Variants in MAP2 observed in about 807,000 individuals in gnomAD.
The protein encoded by MAP2 is microtubule associated protein 2, also known as microtubule-associated protein 2.
A neutral mutation model predicts 137.6 loss-of-function variants in MAP2; 14 were observed. That is an observed-to-expected ratio of 0.10 (90% CI 0.07 to 0.16). The LOEUF (loss-of-function observed/expected upper bound fraction) is 0.16. Among genes scored for constraint, MAP2 ranks in the 10% least tolerant of loss-of-function variants. MAP2 has a pLI of 1.00. For missense variants in MAP2, 2,088 were observed against 2,191.5 expected (o/e 0.95, Z 0.94); for synonymous variants, 786 against 782.3 (o/e 1.00, Z -0.08).
chr2:209,495,599 A>AC (rs1559235909), intron 1 of MAP2, among the ~76,000 whole-genome samples: 1 of 152,234 alleles, frequency 6.6e-6, no homozygotes, highest in Non-Finnish European at 1.5e-5. Context: ...GAGGGACCTG[A>AC]CTGTCAGAAG....
chr2:209,586,722 A>G (rs1305993770), intron 3 of MAP2, among the ~76,000 whole-genome samples: 3 of 152,168 alleles, frequency 2.0e-5, no homozygotes, highest in African/African-American at 4.8e-5. Flanking sequence ...AGTAGGTCTA[A>G]AGAGGGGCCT....
chr2:209,709,136 A>T (rs1335271239), intron 12 of MAP2, among the ~76,000 whole-genome samples: 1 of 152,168 alleles, frequency 6.6e-6, no homozygotes, highest in East Asian at 1.9e-4. Context: ...GATCCTGTAT[A>T]ATTAATGTGG....
chr2:209,535,883 T>C (rs1226143438), intron 2 of MAP2, among the ~76,000 whole-genome samples: 1 of 152,218 alleles, frequency 6.6e-6, no homozygotes, highest in Non-Finnish European at 1.5e-5. Context: ...TCTTATATAA[T>C]ATAGTAACTG....
intron 13 of MAP2, among the ~76,000 whole-genome samples, chr2:209,711,031 T>C (rs1443360355): frequency 6.6e-6 from 1 of 152,220 alleles, no homozygotes; most frequent in African/African-American, 2.4e-5. Context: ...TATTATTTAA[T>C]GTTTATCTCA....
intron 3 of MAP2, among the ~76,000 whole-genome samples, chr2:209,616,496 A>C (rs1580755785): frequency 6.6e-6 from 1 of 152,314 alleles, no homozygotes; most frequent in African/African-American, 2.4e-5. Flanking sequence ...TAACCCACTT[A>C]CAAATCAGGG....
Position 209,732,359 on chromosome 2 carries a change from A to G in MAP2, c.*1962A>G, listed in dbSNP as rs1055199508. On this transcript the variant is annotated 3_prime_UTR_variant, in exon 16 of 16. Coordinates refer to ENST00000682079, the MANE Select transcript of MAP2 (RefSeq NM_001375505.1). The stretch of plus-strand genomic sequence containing the variant: ...GAGCAAACCCACACCACTCATTCTC[A>G]GCTAAGAGATTTTACACAGGCAAAC... 4 of 152,244 alleles carry G rather than the reference A, an allele frequency of 2.6e-5. No homozygotes were observed. The highest frequency in any genetic ancestry group is 6.5e-5 in the Admixed American group (1 of 15,280). The allele number at this position is 152,244 out of a possible 1,614,324, so 9.4% of individuals were successfully genotyped here. A position where few individuals can be genotyped will look rare whatever the true frequency, so the allele number is the denominator to read the frequency against.
At chr2:209,685,995 T>C (rs1340133911) in intron 7 of MAP2, among the ~76,000 whole-genome samples, 1 of 152,162 alleles carries the variant, frequency 6.6e-6, no homozygotes, top group Non-Finnish European at 1.5e-5. Context: ...ATCATGAAAG[T>C]ACCCTACTGA....
At chr2:209,457,105 G>A (rs770307080) in intron 1 of MAP2, among the ~76,000 whole-genome samples, 1 of 152,170 alleles carries the variant, frequency 6.6e-6, no homozygotes, top group Non-Finnish European at 1.5e-5. Flanking sequence ...TGTATAAAAT[G>A]TGTTTCAATA....
At position 209,695,170 on chromosome 2, in the gene MAP2, G is replaced by A. The variant is rs1456153993; in HGVS notation, c.3000G>A (p.Leu1000=). The A allele has an allele frequency of 1.9e-6, 3 of 1,614,096 alleles. No homozygotes were observed. The highest frequency in any genetic ancestry group is 1.1e-5 in the South Asian group (1 of 91,082). Residue 1000 remains leucine (L), a synonymous_variant, in exon 8 of 16, where the codon TTG becomes TTA. Coordinates refer to ENST00000682079, the MANE Select transcript of MAP2 (RefSeq NM_001375505.1). ...TAGGAGTAACCTATGAGCAAGCTTT[G>A]GCCAAAGATTTGTCAATACCAACAG... The part of the protein sequence containing the change: ...FGLGVTYEQA[L]AKDLSIPTDA...
At chr2:209,429,809 A>T (rs1693755162) in intron 1 of MAP2, among the ~76,000 whole-genome samples, 2 of 152,148 alleles carry the variant, frequency 1.3e-5, no homozygotes, top group African/African-American at 4.8e-5. Flanking sequence ...ACAACAATTT[A>T]AAAGTACAAC....
intron 4 of MAP2, among the ~76,000 whole-genome samples, chr2:209,631,679 A>G (rs1394140900): frequency 1.3e-5 from 2 of 152,164 alleles, no homozygotes; most frequent in Non-Finnish European, 2.9e-5. Context: ...CCAAATATAT[A>G]AACTTATTTT....
intron 1 of MAP2, among the ~76,000 whole-genome samples, chr2:209,432,561 T>C (rs34445752): frequency 0.099 from 15,105 of 152,210 alleles, 1,629 homozygotes; most frequent in African/African-American, 0.27. Context: ...CACTGAAAAC[T>C]GAAACCATAC....
chr2:209,438,676 T>G (rs1696986632), intron 1 of MAP2, among the ~76,000 whole-genome samples: 1 of 151,482 alleles, frequency 6.6e-6, no homozygotes, highest in African/African-American at 2.4e-5. Context: ...TGGAAAATGC[T>G]TCTCCTTAGA....
intron 7 of MAP2, among the ~76,000 whole-genome samples, chr2:209,687,330 G>A (rs944532980): frequency 1.3e-5 from 2 of 151,724 alleles, no homozygotes; most frequent in African/African-American, 4.8e-5. Flanking sequence ...AGCATGAGTA[G>A]AGTTAACCTT....
At chr2:209,510,012 A>C (rs1287156689) in intron 2 of MAP2, among the ~76,000 whole-genome samples, 1 of 137,406 alleles carries the variant, frequency 7.3e-6, no homozygotes, top group African/African-American at 2.6e-5. Context: ...AACGTGTTTT[A>C]ATCTCCTAAA....
chr2:209,502,679 G>T (rs1392835339), intron 1 of MAP2, among the ~76,000 whole-genome samples: 2 of 152,004 alleles, frequency 1.3e-5, no homozygotes, highest in East Asian at 1.9e-4. Flanking sequence ...TTTCCATACC[G>T]CTTGTACCAA....
chr2:209,608,219 T>C (rs1368329434), intron 3 of MAP2, among the ~76,000 whole-genome samples: 1 of 152,092 alleles, frequency 6.6e-6, no homozygotes, highest in Admixed American at 6.6e-5. Context: ...GTCCAAAACC[T>C]GAAACAAAGA....
At chr2:209,686,279 C>T (rs542693185) in intron 7 of MAP2, among the ~76,000 whole-genome samples, 1 of 152,300 alleles carries the variant, frequency 6.6e-6, no homozygotes, top group African/African-American at 2.4e-5. Flanking sequence ...GAAACATCTT[C>T]CATGGAACAA....
intron 3 of MAP2, among the ~76,000 whole-genome samples, chr2:209,605,528 A>T (rs542559165): frequency 9.9e-5 from 15 of 152,284 alleles, no homozygotes; most frequent in African/African-American, 3.6e-4. Flanking sequence ...AAGACAAAGG[A>T]ATGAATTGAG....
Sources: gnomAD v4.1 joint callset for allele counts (sites outside exome capture counted in the v4.1 genomes callset) on GRCh38, gnomAD v4.1.1 for gene constraint, MANE v1.5 for transcripts, NCBI Gene and HGNC (gene_info 2026-07-23, HGNC 2026-07-21) for gene names.